Variants in TAFA4 observed in about 807,000 individuals in gnomAD.
TAFA4 encodes the protein TAFA chemokine like family member 4.
TAFA4 carries 20 observed loss-of-function variants against 21.1 expected under a neutral mutation model. That is an observed-to-expected ratio of 0.95 (90% CI 0.67 to 1.38). TAFA4 has a LOEUF of 1.38. TAFA4 is among the 40% of genes most tolerant of loss of function. The pLI, the probability that TAFA4 is intolerant of heterozygous loss-of-function variation, is 0.00. For missense variants in TAFA4, 211 were observed against 180.9 expected, an observed-to-expected ratio of 1.17 and a Z score of -0.95; for synonymous variants, 71 against 67.4, an observed-to-expected ratio of 1.05 and a Z score of -0.26.
chr3:68,773,013 G>A (rs1702987179), intron 3 of TAFA4, among the ~76,000 whole-genome samples: 2 of 152,076 alleles, frequency 1.3e-5, no homozygotes, highest in Non-Finnish European at 1.5e-5. Flanking sequence ...ATCTATATGA[G>A]AGAGCATCTA....
chr3:68,820,073 C>A (rs1704078558), intron 3 of TAFA4, among the ~76,000 whole-genome samples: 1 of 152,094 alleles, frequency 6.6e-6, no homozygotes, highest in Non-Finnish European at 1.5e-5. Flanking sequence ...GAAAATGTGG[C>A]ATATATACAC....
At chr3:68,838,725 G>A (rs1704582736) in intron 3 of TAFA4, among the ~76,000 whole-genome samples, 1 of 151,990 alleles carries the variant, frequency 6.6e-6, no homozygotes, top group Non-Finnish European at 1.5e-5. Flanking sequence ...CATACCATAG[G>A]CCAGATTAAG....
intron 3 of TAFA4, among the ~76,000 whole-genome samples, chr3:68,866,328 T>G (rs1006270110): frequency 2.0e-5 from 3 of 151,782 alleles, no homozygotes; most frequent in African/African-American, 7.3e-5. Flanking sequence ...CTCTGAACCT[T>G]AGTGAGATTA....
intron 1 of TAFA4, 133 bp downstream of exon 1, chr3:68,932,107 C>G (rs985982813): frequency 1.3e-5 from 2 of 152,156 alleles, no homozygotes; most frequent in Non-Finnish European, 1.5e-5. Flanking sequence ...ATGAGGGGAG[C>G]TGCACCGAGC....
chr3:68,837,271 G>T (rs1704546439), intron 3 of TAFA4, among the ~76,000 whole-genome samples: 1 of 152,194 alleles, frequency 6.6e-6, no homozygotes, highest in Admixed American at 6.5e-5. Context: ...TGGCCTGTTG[G>T]AACTGCAGAA....
intron 3 of TAFA4, among the ~76,000 whole-genome samples, chr3:68,815,796 C>A (rs1703960906): frequency 6.6e-6 from 1 of 152,156 alleles, no homozygotes; most frequent in African/African-American, 2.4e-5. Context: ...CCATTTGACC[C>A]AGCAATCCCA....
Position 68,872,186 on chromosome 3 carries a change from T to C in TAFA4, c.130+8544A>G, listed in dbSNP as rs190056759. On this transcript the variant is annotated intron_variant, in intron 3 of 5. Transcript: ENST00000295569. ...ACTGGATGAATGGATAAAGCAAATGTGGTACATATATATATATAATGGAAT... is the reference window on the plus strand; with the variant it reads ...ACTGGATGAATGGATAAAGCAAATGCGGTACATATATATATATAATGGAAT... Among the ~76,000 whole-genome samples the C allele has an allele frequency of 4.6e-3, 696 of 151,858 alleles. 7 individuals carry two copies. The highest frequency in any genetic ancestry group is 0.016 in the African/African-American group (641 of 41,280).
intron 3 of TAFA4, among the ~76,000 whole-genome samples, chr3:68,781,047 G>T (rs1703144616): frequency 6.6e-6 from 1 of 151,994 alleles, no homozygotes; most frequent in Non-Finnish European, 1.5e-5. Flanking sequence ...ATAATTCATG[G>T]CTCAAAGGAG....
At chr3:68,819,849 A>G (rs750182016) in intron 3 of TAFA4, among the ~76,000 whole-genome samples, 6 of 152,216 alleles carry the variant, frequency 3.9e-5, no homozygotes, top group Non-Finnish European at 8.8e-5. Context: ...ATGTAAATTA[A>G]TAAAGCCATT....
At chr3:68,905,410 C>T (rs573793270) in intron 1 of TAFA4, among the ~76,000 whole-genome samples, 23 of 152,140 alleles carry the variant, frequency 1.5e-4, no homozygotes, top group African/African-American at 4.3e-4. Context: ...CCTCATGATC[C>T]GTCCGCCTCG....
At chr3:68,912,125 C>A (rs936236126) in intron 1 of TAFA4, among the ~76,000 whole-genome samples, 1 of 152,094 alleles carries the variant, frequency 6.6e-6, no homozygotes, top group Non-Finnish European at 1.5e-5. Context: ...TGTTATTTTC[C>A]CCATTGTCTG....
chr3:68,821,333 T>C (rs1375911495), intron 3 of TAFA4, among the ~76,000 whole-genome samples: 2 of 958 alleles, frequency 2.1e-3, no homozygotes, highest in Non-Finnish European at 3.3e-3. Context: ...CTGCTTTTTT[T>C]TTTTTTTTTT....
intron 1 of TAFA4, among the ~76,000 whole-genome samples, chr3:68,897,124 A>G (rs2089798769): frequency 6.6e-6 from 1 of 151,714 alleles, no homozygotes; most frequent in African/African-American, 2.4e-5. Flanking sequence ...CTGGTCTCGA[A>G]CTCATGACCT....
At chr3:68,773,387 G>T (rs1244770464) in intron 3 of TAFA4, among the ~76,000 whole-genome samples, 1 of 152,194 alleles carries the variant, frequency 6.6e-6, no homozygotes, top group East Asian at 1.9e-4. Context: ...ACACCCTCCT[G>T]AAACATCAAT....
intron 3 of TAFA4, among the ~76,000 whole-genome samples, chr3:68,823,527 C>A (rs557253942): frequency 6.6e-6 from 1 of 152,260 alleles, no homozygotes; most frequent in African/African-American, 2.4e-5. Flanking sequence ...TGGTGGTTCA[C>A]TACACCTATC....
At chr3:68,896,077 G>C (rs938887879) in intron 1 of TAFA4, among the ~76,000 whole-genome samples, 2 of 152,118 alleles carry the variant, frequency 1.3e-5, no homozygotes, top group East Asian at 3.9e-4. Flanking sequence ...GTGTGTTCAG[G>C]AGCGGAGAGG....
At chr3:68,760,944 AC>A (rs1482870776) in intron 3 of TAFA4, among the ~76,000 whole-genome samples, 1 of 152,210 alleles carries the variant, frequency 6.6e-6, no homozygotes, top group Non-Finnish European at 1.5e-5. Flanking sequence ...TGAGGATAGG[AC>A]AGTAGAAGAG....
intron 1 of TAFA4, among the ~76,000 whole-genome samples, chr3:68,907,217 T>C (rs1294210507): frequency 6.6e-6 from 1 of 152,098 alleles, no homozygotes; most frequent in Non-Finnish European, 1.5e-5. Context: ...GATTCTCTGC[T>C]AATATCCAAA....
chr3:68,924,998 C>A (rs560067061), intron 1 of TAFA4, among the ~76,000 whole-genome samples: 24 of 152,270 alleles, frequency 1.6e-4, no homozygotes, highest in African/African-American at 5.8e-4. Context: ...ATTCCGCATA[C>A]AAGGAGAATG....
Sources: allele counts gnomAD v4.1 joint callset (sites outside exome capture counted in the v4.1 genomes callset), GRCh38; gene constraint gnomAD v4.1.1; transcripts MANE v1.5; gene names NCBI Gene and HGNC (gene_info 2026-07-23, HGNC 2026-07-21).